C9orf57: variants seen among roughly 807,000 people sequenced by gnomAD.
The protein encoded by C9orf57 is chromosome 9 open reading frame 57.
Under a neutral mutation model 12.9 loss-of-function variants are expected in C9orf57, and 12 were observed. The observed-to-expected ratio is 0.93, with a 90% CI of 0.60 to 1.51. The LOEUF (loss-of-function observed/expected upper bound fraction) is 1.51. Ranked by LOEUF, C9orf57 falls within the 40% of genes most tolerant of loss-of-function variation. The pLI, the probability that C9orf57 is intolerant of heterozygous loss-of-function variation, is 0.00. For missense variants in C9orf57, 141 were observed against 162.8 expected (o/e 0.87, Z 0.73); for synonymous variants, 49 against 57.1 (o/e 0.86, Z 0.64).
At chr9:72,053,375 A>T (rs944824836) in intron 4 of C9orf57, among the ~76,000 whole-genome samples, 3 of 152,240 alleles carry the variant, frequency 2.0e-5, no homozygotes, top group Admixed American at 6.5e-5. Flanking sequence ...CCAAATTAGG[A>T]AACTGCTCTT....
chr9:72,054,250 G>C (rs1174712314), intron 4 of C9orf57, among the ~76,000 whole-genome samples: 1 of 152,198 alleles, frequency 6.6e-6, no homozygotes, highest in African/African-American at 2.4e-5. Flanking sequence ...TGCCTGCCTT[G>C]GTTTCCCAAA....
chr9:72,057,785 G>A (rs992347587), intron 2 of C9orf57, among the ~76,000 whole-genome samples: 2 of 152,038 alleles, frequency 1.3e-5, no homozygotes, highest in South Asian at 2.1e-4. Flanking sequence ...ATATATAGTC[G>A]ATTCTTCATG....
At chr9:72,054,712 T>C (rs975728215) in intron 4 of C9orf57, among the ~76,000 whole-genome samples, 2 of 152,138 alleles carry the variant, frequency 1.3e-5, no homozygotes, top group Admixed American at 6.5e-5. Context: ...ATAAGGTATT[T>C]ACTCTTGATT....
chr9:72,059,836 C>T (rs1210628101), intron 1 of C9orf57, among the ~76,000 whole-genome samples: 1 of 151,814 alleles, frequency 6.6e-6, no homozygotes, highest in Non-Finnish European at 1.5e-5. Context: ...ATAAATAAAC[C>T]CATAAAACTT....
chr9:72,058,982 A>G (rs1274465686), intron 2 of C9orf57, among the ~76,000 whole-genome samples: 2 of 152,032 alleles, frequency 1.3e-5, no homozygotes, highest in Admixed American at 1.3e-4. Flanking sequence ...GGTTCAAGCA[A>G]TTCTCCTGCC....
In C9orf57 at chr9:72,056,679, C is replaced by T. The variant is rs545211242; in HGVS notation, c.157+105G>A. 86 of 1,167,492 alleles carry T rather than the reference C, an allele frequency of 7.4e-5. 2 individuals are homozygous for T. In the South Asian group the frequency reaches 1.2e-3, roughly 17 times the overall value. The allele number at this position is 1,167,492 out of a possible 1,614,324, so 72.3% of individuals were successfully genotyped here. A position where few individuals can be genotyped will look rare whatever the true frequency, so the allele number is the denominator to read the frequency against. On this transcript the variant is annotated intron_variant, in intron 3 of 4. Transcript: ENST00000651200. ...TCATTGTTTTGTTGGTGTAATGTAG[C>T]CCTGGCAAAGCCCTTAGTGTAGCAT...
In C9orf57 at chr9:72,052,255, A is replaced by G; in HGVS notation, c.*41T>C. On this transcript the variant is annotated 3_prime_UTR_variant, in exon 5 of 5. Coordinates refer to ENST00000651200, the MANE Select transcript of C9orf57 (RefSeq NM_001128618.2). ...TGTGATAGCCAGGTCAGGCTTCGAG[A>G]CTGATTGATCTGCCAAGCATTTTAG... 2 of 1,546,726 alleles carry G rather than the reference A, an allele frequency of 1.3e-6. No individual in the cohort carries two copies. The highest frequency in any genetic ancestry group is 1.7e-6 in the Non-Finnish European group (2 of 1,144,504).
intron 1 of C9orf57, among the ~76,000 whole-genome samples, chr9:72,059,889 C>T (rs984293023): frequency 6.6e-6 from 1 of 152,052 alleles, no homozygotes; most frequent in Non-Finnish European, 1.5e-5. Context: ...CCAAATATCA[C>T]CTTCTCTCTT....
At chr9:72,059,812 C>T (rs1824292229) in intron 1 of C9orf57, among the ~76,000 whole-genome samples, 1 of 152,026 alleles carries the variant, frequency 6.6e-6, no homozygotes, top group East Asian at 1.9e-4. Flanking sequence ...CAGAGCGAGA[C>T]TGTAAATAAA....
chr9:72,058,604 C>G (rs1257644674), intron 2 of C9orf57, among the ~76,000 whole-genome samples: 1 of 152,198 alleles, frequency 6.6e-6, no homozygotes, highest in Non-Finnish European at 1.5e-5. Context: ...CCATCTTCCA[C>G]TATATGATGA....
chr9:72,059,644 A>T (rs539400582), intron 1 of C9orf57, among the ~76,000 whole-genome samples: 1 of 152,232 alleles, frequency 6.6e-6, no homozygotes, highest in South Asian at 2.1e-4. Context: ...AACATGGTGA[A>T]ACCCCGTCTC....
chr9:72,058,428 T>A (rs1459549750), intron 2 of C9orf57, among the ~76,000 whole-genome samples: 2 of 152,186 alleles, frequency 1.3e-5, no homozygotes, highest in African/African-American at 2.4e-5. Context: ...CCCAAAGTGC[T>A]AGGATTACAG....
At chr9:72,052,517 A>G (rs1355291171) in intron 4 of C9orf57, 82 bp from the exon 5 acceptor site, 25 of 1,296,710 alleles carry the variant, frequency 1.9e-5, no homozygotes, top group Middle Eastern at 1.9e-4. Flanking sequence ...TAAAAAGAAT[A>G]CTAAGCAAAA....
At chr9:72,052,570 A>T in intron 4 of C9orf57, 135 bp from the exon 5 acceptor site, 1 of 779,010 alleles carries the variant, frequency 1.3e-6, no homozygotes, top group Non-Finnish European at 2.0e-6. Context: ...TCCACCATTA[A>T]GAATGGTTCA....
intron 4 of C9orf57, 149 bp from the exon 5 acceptor site, chr9:72,052,584 C>T: frequency 1.4e-6 from 1 of 716,880 alleles, no homozygotes. Flanking sequence ...TGGTTCATTT[C>T]ATTATTTTAC....
Position 72,052,323 on chromosome 9 carries a change from G to A in C9orf57, c.393C>T (p.Cys131=). 1 of 1,551,740 alleles carries A rather than the reference G, an allele frequency of 6.4e-7. No homozygotes were observed. The highest frequency in any genetic ancestry group is 8.7e-7 in the Non-Finnish European group (1 of 1,146,994). The part of the protein sequence containing the change: ...LQLHELVTTH[C]CNHSLCNF ...AGAAATTGCACAAAGAATGATTGCA[G>A]CAGTGAGTAGTTACAAGTTCATGCA... Residue 131 remains cysteine, a synonymous_variant, in exon 5 of 5, where the codon TGC becomes TGT. Transcript: ENST00000651200.
chr9:72,056,052 T>A, intron 4 of C9orf57, 22 bp downstream of exon 4: 4 of 1,537,282 alleles, frequency 2.6e-6, no homozygotes, highest in Non-Finnish European at 3.5e-6. Flanking sequence ...TTAATTAAAA[T>A]TTTTAAAGTG....
intron 1 of C9orf57, 30 bp downstream of exon 1, chr9:72,060,462 GGTAAA>G: frequency 9.7e-7 from 1 of 1,034,940 alleles, no homozygotes; most frequent in Non-Finnish European, 1.5e-6. Context: ...TGTAAGATTG[GGTAAA>G]GTATAATATT....
At chr9:72,056,299 T>C in intron 3 of C9orf57, 103 bp from the exon 4 acceptor site, 1 of 516,836 alleles carries the variant, frequency 1.9e-6, no homozygotes, top group South Asian at 6.5e-5. Context: ...TTTTTGACTT[T>C]ATATATATAT....
Sources: gnomAD v4.1 joint callset for allele counts (sites outside exome capture counted in the v4.1 genomes callset) on GRCh38, gnomAD v4.1.1 for gene constraint, MANE v1.5 for transcripts, NCBI Gene and HGNC (gene_info 2026-07-23, HGNC 2026-07-21) for gene names.